AXL: variants seen among roughly 807,000 people sequenced by gnomAD.
The protein encoded by AXL is AXL receptor tyrosine kinase.
AXL carries 52 observed loss-of-function variants against 104.5 expected under a neutral mutation model. The observed-to-expected ratio is 0.50, with a 90% CI of 0.40 to 0.63. The LOEUF is 0.63. Ranked by LOEUF, AXL falls within the 20% of genes least tolerant of loss-of-function variation. The probability of loss-of-function intolerance (pLI) is 0.00; values close to 1 mark genes in which losing one functional copy is unlikely to be tolerated. For synonymous variants in AXL, 455 were observed against 473.7 expected, an observed-to-expected ratio of 0.96 and a Z score of 0.51; for missense variants, 1,024 against 1,188.5, an observed-to-expected ratio of 0.86 and a Z score of 2.04.
rs781747516 is a variant in AXL, at chr19:41,242,951, G to T, written c.1381G>T (p.Ala461Ser). ...WYVLLGAVVA[A>S]ACVLILALFL... ...TGTACTGCTAGGAGCAGTCGTGGCC[G>T]CTGCCTGTGTCCTCATCTTGGCTCT... is the stretch of plus-strand genomic sequence containing the variant. The change falls in exon 11 of 20, where the codon GCT becomes TCT. Residue 461 changes from alanine to serine, a missense_variant. Physicochemically the swap from Ala to Ser is moderately conservative, Grantham distance 99 (BLOSUM62 1). Coordinates refer to ENST00000301178, the MANE Select transcript of AXL (RefSeq NM_021913.5). The T allele has an allele frequency of 6.2e-7, 1 of 1,614,178 alleles. No homozygotes were observed.
chr19:41,258,517 C>T (rs984743105), intron 19 of AXL, among the ~76,000 whole-genome samples: 4 of 152,202 alleles, frequency 2.6e-5, no homozygotes, highest in Non-Finnish European at 4.4e-5. Flanking sequence ...CAGGTTCTAG[C>T]GATTCTCTTG....
intron 4 of AXL, among the ~76,000 whole-genome samples, chr19:41,223,049 C>G (rs1270755211): frequency 1.3e-5 from 2 of 151,922 alleles, no homozygotes; most frequent in Non-Finnish European, 2.9e-5. Context: ...AATCCCAGCA[C>G]TTTGGGAGGC....
chr19:41,243,276 G>A (rs542056196), intron 11 of AXL, among the ~76,000 whole-genome samples: 7 of 152,268 alleles, frequency 4.6e-5, no homozygotes, highest in African/African-American at 1.7e-4. Context: ...AAAAATTAGC[G>A]GGAAGTGTAG....
In AXL at chr19:41,239,075, G is replaced by C. The variant is rs529437253; in HGVS notation, c.1135-89G>C. 1.1e-5 allele frequency: 16 copies of C among 1,490,088 alleles called. No homozygotes were observed. The African/African-American group carries it at 1.5e-4, about 14-fold the overall frequency. The allele number at this position is 1,490,088 out of a possible 1,614,324, so 92.3% of individuals were successfully genotyped here. On this transcript the variant is annotated intron_variant, in intron 8 of 19. Transcript: ENST00000301178. ...AGTTGGAGGATGGGGAGAGCGTTTT[G>C]AGAAAGAGATGGGGCATTGAGCCCG...
At chr19:41,252,111 TAAAAAA>T (rs529144010) in intron 14 of AXL, among the ~76,000 whole-genome samples, 8 of 108,204 alleles carry the variant, frequency 7.4e-5, no homozygotes, top group African/African-American at 2.7e-4. Flanking sequence ...AGACTCCATC[TAAAAAA>T]AAAAAAAAAA....
At chr19:41,250,444 CTGTTT>C (rs940237852) in intron 14 of AXL, among the ~76,000 whole-genome samples, 1 of 151,900 alleles carries the variant, frequency 6.6e-6, no homozygotes, top group Non-Finnish European at 1.5e-5. Context: ...TTGTTTTGCT[CTGTTT>C]TGTTTTGTTT....
rs2122298832 is a variant in AXL at position 41,259,738 on chromosome 19, C to T, written c.2519C>T (p.Ala840Val). 6.2e-7 allele frequency: 1 copy of T among 1,614,100 alleles called. No individual in the cohort carries two copies. Among genetic ancestry groups the T allele is most frequent in the Non-Finnish European group, 8.5e-7 (1 of 1,180,014 alleles). ...YPEPPGAAGG[A>V]DPPTQPDPKD... Reference sequence around the variant, plus strand: ...GAACCCCCTGGAGCTGCAGGAGGAGCTGACCCCCCAACCCAGCCAGACCCT... The same window carrying T: ...GAACCCCCTGGAGCTGCAGGAGGAGTTGACCCCCCAACCCAGCCAGACCCT... The change falls in exon 20 of 20, where the codon GCT becomes GTT. Residue 840 changes from alanine (A) to valine (V), a missense_variant. Physicochemically the swap from Ala to Val is moderately conservative, Grantham distance 64 (BLOSUM62 0). This residue lies in a region of AXL where 523 missense variants were observed against 636.0 expected (regional missense o/e 0.82). Transcript: ENST00000301178.
intron 10 of AXL, among the ~76,000 whole-genome samples, chr19:41,242,078 G>T (rs968321275): frequency 2.6e-5 from 4 of 151,876 alleles, no homozygotes; most frequent in Non-Finnish European, 4.4e-5. Flanking sequence ...CCCATCTCAT[G>T]TTCATCTAGC....
chr19:41,226,404 G>A (rs927196447), intron 4 of AXL, among the ~76,000 whole-genome samples: 1 of 152,156 alleles, frequency 6.6e-6, no homozygotes, highest in Admixed American at 6.5e-5. Flanking sequence ...CGGGCGGCGC[G>A]GGGGCTGCGG....
intron 17 of AXL, among the ~76,000 whole-genome samples, chr19:41,254,386 A>G (rs1187318879): frequency 1.3e-5 from 2 of 150,374 alleles, no homozygotes; most frequent in Non-Finnish European, 3.0e-5. Flanking sequence ...CAAAAAAAAA[A>G]AAAAAAAGAA....
Position 41,253,707 on chromosome 19 carries a change from A to G in AXL, c.2035A>G (p.Met679Val), listed in dbSNP as rs2122280674. The change falls in exon 17 of 20, where the codon ATG becomes GTG. Residue 679 changes from methionine (M) to valine (V), a missense_variant and splice_region_variant. By Grantham distance (21) the Met-to-Val change is conservative. Transcript: ENST00000301178. ...CCGGGACCTGGCGGCCAGGAACTGCATGTGAGTGCCTTTCAGGGACCCCCC... is the reference window on the plus strand; with the variant it reads ...CCGGGACCTGGCGGCCAGGAACTGCGTGTGAGTGCCTTTCAGGGACCCCCC... ...IHRDLAARNC[M>V]LNENMSVCVA... 1 of 1,596,444 alleles carries G rather than the reference A, an allele frequency of 6.3e-7. No homozygotes were observed. Among genetic ancestry groups the G allele is most frequent in the Non-Finnish European group, 8.5e-7 (1 of 1,169,676 alleles).
chr19:41,253,591 C>T lies in AXL; in HGVS notation c.1927-8C>T, dbSNP rs116562932. 3.7e-6 allele frequency: 6 copies of T among 1,608,996 alleles called. No individual in the cohort carries two copies. The African/African-American group carries it at 8.0e-5, about 21-fold the overall frequency. On this transcript the variant is annotated splice_region_variant and splice_polypyrimidine_tract_variant and intron_variant, in intron 16 of 19. Coordinates refer to ENST00000301178, the MANE Select transcript of AXL (RefSeq NM_021913.5). Reference sequence around the variant, plus strand: ...TGACCTCTCCTCCCACCTGCCTTGGCTCCCCAGTACCTGCCCACTCAGATG... The same window carrying T: ...TGACCTCTCCTCCCACCTGCCTTGGTTCCCCAGTACCTGCCCACTCAGATG...
chr19:41,243,069 G>A, intron 11 of AXL, 54 bp downstream of exon 11: 1 of 1,611,776 alleles, frequency 6.2e-7, no homozygotes, highest in South Asian at 1.1e-5. Context: ...GAGGCTGGAG[G>A]CAGGGAGGCC....
intron 4 of AXL, among the ~76,000 whole-genome samples, chr19:41,226,234 CG>C (rs2033878492): frequency 6.6e-6 from 1 of 152,036 alleles, no homozygotes; most frequent in Non-Finnish European, 1.5e-5. Context: ...GAACGGGACC[CG>C]GCTCCAGAAC....
In AXL at chr19:41,253,593, C is replaced by T; in HGVS notation, c.1927-6C>T. On this transcript the variant is annotated splice_region_variant and splice_polypyrimidine_tract_variant and intron_variant, in intron 16 of 19. Coordinates refer to ENST00000301178, the MANE Select transcript of AXL (RefSeq NM_021913.5). ...ACCTCTCCTCCCACCTGCCTTGGCTCCCCAGTACCTGCCCACTCAGATGCT... is the reference window on the plus strand; with the variant it reads ...ACCTCTCCTCCCACCTGCCTTGGCTTCCCAGTACCTGCCCACTCAGATGCT... 3 of 1,610,510 alleles carry T rather than the reference C, an allele frequency of 1.9e-6. No individual in the cohort carries two copies. Among genetic ancestry groups the T allele is most frequent in the Non-Finnish European group, 2.5e-6 (3 of 1,177,594 alleles).
At chr19:41,230,492 A>T (rs1390710655) in intron 4 of AXL, among the ~76,000 whole-genome samples, 1 of 128,290 alleles carries the variant, frequency 7.8e-6, no homozygotes, top group East Asian at 2.5e-4. Context: ...TTGTGTGTGT[A>T]TGCCTGTGCC....
chr19:41,245,286 T>A (rs78627121), intron 12 of AXL, among the ~76,000 whole-genome samples: 122 of 152,300 alleles, frequency 8.0e-4, no homozygotes, highest in African/African-American at 2.9e-3. Flanking sequence ...ATAGAATCGA[T>A]CTTGGCCTGA....
chr19:41,243,626 G>A lies in AXL; in HGVS notation c.1456G>A (p.Glu486Lys). Reference protein sequence around the residue: ...KKETRYGEVFEPTVERGELVV... With the variant: ...KKETRYGEVFKPTVERGELVV... ...CCCCCTCCCCCCCAGAGAAGTGTTT[G>A]AACCAACAGTGGAAAGAGGTGAACT... The change falls in exon 12 of 20, where the codon GAA (glutamate) becomes AAA (lysine). Residue 486 changes from glutamate to lysine, a missense_variant. Transcript: ENST00000301178. The A allele has an allele frequency of 6.2e-7, 1 of 1,613,940 alleles. No homozygotes were observed. Among genetic ancestry groups the A allele is most frequent in the Non-Finnish European group, 8.5e-7 (1 of 1,179,946 alleles).
At chr19:41,237,903 T>G in intron 6 of AXL, 41 bp from the exon 7 acceptor site, 1 of 1,577,334 alleles carries the variant, frequency 6.3e-7, no homozygotes, top group Non-Finnish European at 8.7e-7. Flanking sequence ...TCTCGTGTGA[T>G]TGCTTGGCTG....
Sources: allele counts gnomAD v4.1 joint callset (sites outside exome capture counted in the v4.1 genomes callset), GRCh38; gene constraint gnomAD v4.1.1; regional missense constraint gnomAD v4.1.1; transcripts MANE v1.5; gene names NCBI Gene and HGNC (gene_info 2026-07-23, HGNC 2026-07-21).